Variants in RORB observed in about 807,000 individuals in gnomAD.
RORB encodes nuclear receptor ROR-beta.
In RORB, 6 loss-of-function variants were observed where a neutral mutation model predicts 59.1. The observed-to-expected ratio is 0.10, with a 90% confidence interval of 0.06 to 0.20. The LOEUF (loss-of-function observed/expected upper bound fraction) is 0.20. RORB is among the 10% of genes least tolerant of loss of function. RORB has a pLI of 1.00. For synonymous variants in RORB, 215 were observed against 204.5 expected (o/e 1.05, Z -0.44); for missense variants, 320 against 560.5 (o/e 0.57, Z 4.33).
intron 4 of RORB, among the ~76,000 whole-genome samples, chr9:74,643,181 T>C (rs762197155): frequency 6.6e-6 from 1 of 152,162 alleles, no homozygotes; most frequent in Non-Finnish European, 1.5e-5. Flanking sequence ...CTGAAGGATA[T>C]AGAAACAGTG....
At chr9:74,622,767 C>T (rs1823445313) in intron 1 of RORB, among the ~76,000 whole-genome samples, 1 of 151,916 alleles carries the variant, frequency 6.6e-6, no homozygotes, top group African/African-American at 2.4e-5. Flanking sequence ...CCTGGTAATC[C>T]ACCCGCCTCA....
At chr9:74,649,904 CTA>C (rs1240804211) in intron 4 of RORB, among the ~76,000 whole-genome samples, 1 of 152,108 alleles carries the variant, frequency 6.6e-6, no homozygotes, top group African/African-American at 2.4e-5. Flanking sequence ...TGAGTTGAAA[CTA>C]TGCAAAATTT....
chr9:74,509,970 T>C (rs1825913982), intron 1 of RORB, among the ~76,000 whole-genome samples: 1 of 152,184 alleles, frequency 6.6e-6, no homozygotes, highest in Non-Finnish European at 1.5e-5. Flanking sequence ...TAATATTCCT[T>C]ACATCAAGCT....
At chr9:74,532,991 G>A (rs910130398) in intron 1 of RORB, among the ~76,000 whole-genome samples, 11 of 151,518 alleles carry the variant, frequency 7.3e-5, no homozygotes, top group Non-Finnish European at 7.4e-5. Flanking sequence ...TAGGAGATTG[G>A]GGCCCCCACT....
intron 6 of RORB, among the ~76,000 whole-genome samples, chr9:74,663,307 T>C (rs1430592746): frequency 6.6e-6 from 1 of 152,162 alleles, no homozygotes; most frequent in Non-Finnish European, 1.5e-5. Context: ...AACATACATA[T>C]GTGTTTATGT....
chr9:74,603,885 G>T (rs1487359006), intron 1 of RORB, among the ~76,000 whole-genome samples: 7 of 152,180 alleles, frequency 4.6e-5, no homozygotes, highest in Non-Finnish European at 1.0e-4. Context: ...TGAGGTCTTT[G>T]CCTTGCTTAA....
rs148801641 is a variant in RORB at position 74,537,296 on chromosome 9, C to T, written c.7+39313C>T. On this transcript the variant is annotated intron_variant, in intron 1 of 9. Coordinates refer to ENST00000376896, the MANE Select transcript of RORB (RefSeq NM_006914.4). ...CTCTTATGTAGTAAACAGAGATGAA[C>T]GAAGTAATAACGTATTAAGCATCTG... 6.5e-4 allele frequency among the ~76,000 whole-genome samples: 99 copies of T among 152,100 alleles called. 2 individuals carry two copies. The highest frequency in any genetic ancestry group is 2.3e-3 in the East Asian group (12 of 5,178).
chr9:74,547,426 A>G (rs1826516368), intron 1 of RORB, among the ~76,000 whole-genome samples: 1 of 152,226 alleles, frequency 6.6e-6, no homozygotes, highest in Non-Finnish European at 1.5e-5. Context: ...CCTTCTACCA[A>G]TATTGAAGGA....
intron 1 of RORB, among the ~76,000 whole-genome samples, chr9:74,521,959 A>G (rs1348681067): frequency 6.6e-6 from 1 of 151,642 alleles, no homozygotes; most frequent in African/African-American, 2.4e-5. Context: ...TTTATCCTAT[A>G]CTAATTTCTG....
chr9:74,606,693 C>T (rs867832142), intron 1 of RORB, among the ~76,000 whole-genome samples: 16 of 152,324 alleles, frequency 1.1e-4, no homozygotes, highest in Non-Finnish European at 1.8e-4. Flanking sequence ...AGAAACTCAA[C>T]TCTTTCACTG....
chr9:74,626,468 GA>G (rs1823518158), intron 1 of RORB, among the ~76,000 whole-genome samples: 1 of 152,088 alleles, frequency 6.6e-6, no homozygotes, highest in South Asian at 2.1e-4. Flanking sequence ...TAAGTGAAAT[GA>G]ATATCTAAGA....
At chr9:74,645,328 C>T (rs979013789) in intron 4 of RORB, among the ~76,000 whole-genome samples, 1 of 152,146 alleles carries the variant, frequency 6.6e-6, no homozygotes, top group Admixed American at 6.5e-5. Context: ...ACTCATTTCA[C>T]TAAAATATTA....
rs548304435 is a variant in RORB, at chr9:74,633,584, C to T, written c.94-1047C>T. On this transcript the variant is annotated intron_variant, in intron 2 of 9. Transcript: ENST00000376896. Reference sequence around the variant, plus strand: ...AAAGAGTAATTAGGGAAATCGATTACATGAGTCAGTGAATGGACGAATGAT... The same window carrying T: ...AAAGAGTAATTAGGGAAATCGATTATATGAGTCAGTGAATGGACGAATGAT... Among the ~76,000 whole-genome samples the T allele has an allele frequency of 2.0e-5, 3 of 152,300 alleles. No individual in the cohort carries two copies. In the South Asian group the frequency reaches 6.2e-4, roughly 32 times the overall value.
At chr9:74,517,117 C>T (rs2118057820) in intron 1 of RORB, among the ~76,000 whole-genome samples, 1 of 152,036 alleles carries the variant, frequency 6.6e-6, no homozygotes, top group East Asian at 1.9e-4. Context: ...AAAAAATATG[C>T]TTTCTATTAG....
intron 1 of RORB, among the ~76,000 whole-genome samples, chr9:74,505,119 C>T (rs755545075): frequency 3.9e-5 from 6 of 152,066 alleles, no homozygotes; most frequent in Non-Finnish European, 5.9e-5. Context: ...CAGAACTTGG[C>T]ATGAAATAAA....
chr9:74,533,721 A>G (rs1356589464), intron 1 of RORB, among the ~76,000 whole-genome samples: 2 of 152,086 alleles, frequency 1.3e-5, no homozygotes, highest in Non-Finnish European at 2.9e-5. Context: ...TATATCCATC[A>G]GCTATAGTAG....
chr9:74,668,827 A>AT (rs1824306956), intron 8 of RORB, among the ~76,000 whole-genome samples: 13 of 152,158 alleles, frequency 8.5e-5, no homozygotes, highest in Admixed American at 8.5e-4. Flanking sequence ...AACTTGACCT[A>AT]CACAGTTCAA....
intron 4 of RORB, among the ~76,000 whole-genome samples, chr9:74,644,347 G>A (rs1299616825): frequency 6.6e-6 from 1 of 152,188 alleles, no homozygotes; most frequent in Non-Finnish European, 1.5e-5. Context: ...AATTATTACT[G>A]TCATCCTTAA....
At chr9:74,594,426 C>T (rs1389021451) in intron 1 of RORB, among the ~76,000 whole-genome samples, 2 of 152,148 alleles carry the variant, frequency 1.3e-5, no homozygotes, top group East Asian at 3.9e-4. Flanking sequence ...TATTTGCCTA[C>T]TCCTTAAGAC....
Sources: allele counts gnomAD v4.1 joint callset (sites outside exome capture counted in the v4.1 genomes callset), GRCh38; gene constraint gnomAD v4.1.1; transcripts MANE v1.5; gene names NCBI Gene and HGNC (gene_info 2026-07-23, HGNC 2026-07-21).